DYM: variants seen among roughly 807,000 people sequenced by gnomAD.
DYM encodes dymeclin.
Under a neutral mutation model 93.1 loss-of-function variants are expected in DYM, and 78 were observed. That is an observed-to-expected ratio of 0.84 (90% CI 0.70 to 1.01). The LOEUF is 1.01. DYM is among the 50% of genes least tolerant of loss of function. DYM has a pLI of 0.00. For missense variants in DYM, 789 were observed against 845.0 expected (o/e 0.93, Z 0.82); for synonymous variants, 321 against 319.7 (o/e 1.00, Z -0.04).
At chr18:49,419,872 G>C (rs1320882871) in intron 2 of DYM, among the ~76,000 whole-genome samples, 5 of 152,140 alleles carry the variant, frequency 3.3e-5, no homozygotes, top group Admixed American at 6.5e-5. Flanking sequence ...ATTTACATAA[G>C]TGAAAAGAAA....
intron 14 of DYM, among the ~76,000 whole-genome samples, chr18:49,192,069 T>C (rs1033598843): frequency 1.3e-5 from 2 of 150,570 alleles, no homozygotes; most frequent in Admixed American, 6.6e-5. Context: ...CCTGGGACTA[T>C]ACATATGTGC....
chr18:49,324,750 CTATT>C (rs1293865282), intron 8 of DYM, among the ~76,000 whole-genome samples: 12 of 152,088 alleles, frequency 7.9e-5, no homozygotes, highest in Admixed American at 5.2e-4. Flanking sequence ...TTCTTTCTTT[CTATT>C]TTAACTAATA....
chr18:49,139,615 T>C (rs757704104), intron 15 of DYM, among the ~76,000 whole-genome samples: 4 of 152,220 alleles, frequency 2.6e-5, no homozygotes, highest in Non-Finnish European at 5.9e-5. Context: ...AAATTTACGA[T>C]ACTGCTTTGA....
chr18:49,107,044 A>T (rs1395103813), intron 16 of DYM, among the ~76,000 whole-genome samples: 1 of 152,182 alleles, frequency 6.6e-6, no homozygotes, highest in East Asian at 1.9e-4. Flanking sequence ...CAGGTACACC[A>T]ATCAGACGTA....
chr18:49,100,634 A>C (rs1446844480), intron 16 of DYM, among the ~76,000 whole-genome samples: 22 of 152,234 alleles, frequency 1.4e-4, no homozygotes, highest in Admixed American at 1.4e-3. Flanking sequence ...TAAAACAACC[A>C]CTTGCAGAAG....
At chr18:49,458,939 G>T (rs978924507) in intron 1 of DYM, among the ~76,000 whole-genome samples, 3 of 152,214 alleles carry the variant, frequency 2.0e-5, no homozygotes, top group African/African-American at 4.8e-5. Flanking sequence ...TAAAATAATT[G>T]TGAGTGGGGA....
intron 8 of DYM, among the ~76,000 whole-genome samples, chr18:49,316,440 T>C (rs1327370490): frequency 6.6e-6 from 1 of 152,132 alleles, no homozygotes; most frequent in Non-Finnish European, 1.5e-5. Flanking sequence ...TGAAAAAACT[T>C]CCAAATTATA....
At chr18:49,302,342 CT>C (rs2060989094) in intron 8 of DYM, among the ~76,000 whole-genome samples, 1 of 150,666 alleles carries the variant, frequency 6.6e-6, no homozygotes, top group Non-Finnish European at 1.5e-5. Flanking sequence ...TTTTATAAAA[CT>C]TATTCAGATG....
In DYM at chr18:49,169,167, G is replaced by A. The variant is rs181804103; in HGVS notation, c.1626-5380C>T. The stretch of plus-strand genomic sequence containing the variant: ...TTTCTGTCCTGCCTCCCCAGAGGGC[G>A]CAGTCAGGTGAAAAAGGACGTGCCT... On this transcript the variant is annotated intron_variant, in intron 14 of 17. Coordinates refer to ENST00000675505, the MANE Select transcript of DYM (RefSeq NM_001353214.3). Among the ~76,000 whole-genome samples the A allele has an allele frequency of 7.5e-4, 115 of 152,318 alleles. 2 individuals carry two copies. The highest frequency in any genetic ancestry group is 2.7e-3 in the African/African-American group (114 of 41,576).
intron 17 of DYM, among the ~76,000 whole-genome samples, chr18:49,071,419 GA>G (rs1181149950): frequency 9.9e-5 from 15 of 152,194 alleles, no homozygotes; most frequent in Non-Finnish European, 1.9e-4. Flanking sequence ...TGATACAATT[GA>G]AACCACGGAC....
At chr18:49,303,609 A>C (rs1257597081) in intron 8 of DYM, among the ~76,000 whole-genome samples, 1 of 152,172 alleles carries the variant, frequency 6.6e-6, no homozygotes, top group Non-Finnish European at 1.5e-5. Context: ...GGAGCTGTGC[A>C]GTGAGGTAAG....
chr18:49,265,055 C>A (rs975411737), intron 11 of DYM, among the ~76,000 whole-genome samples: 1 of 152,198 alleles, frequency 6.6e-6, no homozygotes, highest in East Asian at 1.9e-4. Flanking sequence ...ATACTAGTCT[C>A]AAGCCTATGT....
intron 15 of DYM, among the ~76,000 whole-genome samples, chr18:49,153,887 T>C (rs998037287): frequency 2.0e-5 from 3 of 152,084 alleles, no homozygotes; most frequent in African/African-American, 7.2e-5. Context: ...TTAAAGTATC[T>C]CCCCAAAATA....
chr18:49,081,543 G>C (rs1446414930), intron 17 of DYM, among the ~76,000 whole-genome samples: 1 of 66,102 alleles, frequency 1.5e-5, no homozygotes, highest in Non-Finnish European at 4.6e-5. Context: ...GGGGAGAGGG[G>C]AGAGGGGAGA....
At chr18:49,457,659 G>A (rs1202123643) in intron 1 of DYM, among the ~76,000 whole-genome samples, 1 of 152,172 alleles carries the variant, frequency 6.6e-6, no homozygotes, top group East Asian at 1.9e-4. Context: ...ATACACTGTG[G>A]TAGGTAGAAT....
At chr18:49,091,502 G>A (rs2079048712) in intron 17 of DYM, among the ~76,000 whole-genome samples, 1 of 152,238 alleles carries the variant, frequency 6.6e-6, no homozygotes, top group African/African-American at 2.4e-5. Context: ...AAGGCTCTAC[G>A]AGTGGAGAGG....
chr18:49,291,857 C>G (rs2060133377), intron 8 of DYM, among the ~76,000 whole-genome samples: 1 of 151,966 alleles, frequency 6.6e-6, no homozygotes, highest in Non-Finnish European at 1.5e-5. Context: ...AGCCAGTAGC[C>G]AAGTATTAAT....
chr18:49,114,823 A>C (rs1409433140), intron 16 of DYM, among the ~76,000 whole-genome samples: 1 of 152,124 alleles, frequency 6.6e-6, no homozygotes, highest in African/African-American at 2.4e-5. Flanking sequence ...CTGGTTACTA[A>C]GAACGTTCCT....
In DYM at chr18:49,051,872, C is replaced by A. The variant is rs74489351; in HGVS notation, c.2026-7668G>T. Among the ~76,000 whole-genome samples, 834 of 152,278 alleles carry A rather than the reference C, an allele frequency of 5.5e-3. 3 individuals carry two copies. The highest frequency in any genetic ancestry group is 9.4e-3 in the Non-Finnish European group (637 of 68,024). ...ACTGGTCATGGGGGGACTGAAAGAGCGGGTAGAGAGAGCAGCGTGAACACA... is the reference window on the plus strand; with the variant it reads ...ACTGGTCATGGGGGGACTGAAAGAGAGGGTAGAGAGAGCAGCGTGAACACA... On this transcript the variant is annotated intron_variant, in intron 17 of 17. Coordinates refer to ENST00000675505, the MANE Select transcript of DYM (RefSeq NM_001353214.3).
Sources: allele counts gnomAD v4.1 joint callset (sites outside exome capture counted in the v4.1 genomes callset), GRCh38; gene constraint gnomAD v4.1.1; transcripts MANE v1.5; gene names NCBI Gene and HGNC (gene_info 2026-07-23, HGNC 2026-07-21).